RAD51B: variants seen among roughly 807,000 people sequenced by gnomAD.
The protein encoded by RAD51B is RAD51 paralog B.
RAD51B carries 38 observed loss-of-function variants against 42.2 expected under a neutral mutation model. That is an observed-to-expected ratio of 0.90 (90% CI 0.70 to 1.18). RAD51B has a LOEUF of 1.18. RAD51B is among the 50% of genes most tolerant of loss of function. The pLI is 0.00. For synonymous variants in RAD51B, 154 were observed against 145.2 expected, an observed-to-expected ratio of 1.06 and a Z score of -0.43; for missense variants, 373 against 400.7, an observed-to-expected ratio of 0.93 and a Z score of 0.59.
At chr14:68,337,623 C>G (rs1335786021) in intron 8 of RAD51B, among the ~76,000 whole-genome samples, 5 of 152,168 alleles carry the variant, frequency 3.3e-5, no homozygotes, top group Non-Finnish European at 7.4e-5. Context: ...AAAATTTTCC[C>G]TTGCCTAGGC....
intron 8 of RAD51B, among the ~76,000 whole-genome samples, chr14:68,355,052 G>A (rs754658188): frequency 1.3e-5 from 2 of 152,272 alleles, no homozygotes; most frequent in South Asian, 2.1e-4. Context: ...AGAGGGGACC[G>A]TGATGCACAG....
chr14:68,223,253 CA>C (rs1377098303), intron 7 of RAD51B, among the ~76,000 whole-genome samples: 1 of 152,188 alleles, frequency 6.6e-6, no homozygotes, highest in Non-Finnish European at 1.5e-5. Flanking sequence ...GGATCTCCTC[CA>C]AGACGGTTTC....
chr14:68,053,691 A>G (rs2076429967), intron 7 of RAD51B, among the ~76,000 whole-genome samples: 1 of 152,194 alleles, frequency 6.6e-6, no homozygotes, highest in South Asian at 2.1e-4. Flanking sequence ...GGTCAAGAAG[A>G]ACCTTTTAGG....
chr14:68,160,239 C>G (rs1377946943), intron 7 of RAD51B, among the ~76,000 whole-genome samples: 1 of 152,154 alleles, frequency 6.6e-6, no homozygotes, highest in Non-Finnish European at 1.5e-5. Context: ...TAAGAAAGAT[C>G]TTAATAATCA....
At chr14:68,346,618 A>G (rs114997973) in intron 8 of RAD51B, among the ~76,000 whole-genome samples, 2,397 of 152,304 alleles carry the variant, frequency 0.016, 64 homozygotes, top group African/African-American at 0.054. Context: ...TAGCATGTCC[A>G]AAGTGTTCTT....
intron 5 of RAD51B, 124 bp from the exon 6 acceptor site, chr14:67,885,745 T>A: frequency 7.9e-7 from 1 of 1,268,152 alleles, no homozygotes; most frequent in Non-Finnish European, 1.0e-6. Flanking sequence ...ATTAAGCCAT[T>A]TTGCTTATAC....
chr14:68,251,602 C>A (rs997585618), intron 7 of RAD51B, among the ~76,000 whole-genome samples: 1 of 152,198 alleles, frequency 6.6e-6, no homozygotes, highest in Non-Finnish European at 1.5e-5. Context: ...GCAGGTGTCA[C>A]ATCTGTTCCT....
intron 9 of RAD51B, among the ~76,000 whole-genome samples, chr14:68,464,024 T>C (rs55794864): frequency 0.062 from 9,495 of 152,338 alleles, 411 homozygotes; most frequent in Non-Finnish European, 0.091. Flanking sequence ...AATCTCATTC[T>C]GGCTGTTCCA....
At chr14:67,826,402 CT>C (rs1414022463) in intron 3 of RAD51B, among the ~76,000 whole-genome samples, 2 of 152,152 alleles carry the variant, frequency 1.3e-5, no homozygotes, top group Non-Finnish European at 2.9e-5. Context: ...TTTTTTCAGA[CT>C]TTTTGTGTCA....
intron 3 of RAD51B, among the ~76,000 whole-genome samples, chr14:67,829,200 A>G (rs1047185649): frequency 1.4e-4 from 21 of 150,464 alleles, no homozygotes; most frequent in African/African-American, 4.6e-4. Context: ...GGTCCTTCAC[A>G]TCCCTTGTTA....
intron 7 of RAD51B, among the ~76,000 whole-genome samples, chr14:68,075,199 G>A (rs1318241785): frequency 6.6e-6 from 1 of 152,142 alleles, no homozygotes; most frequent in Non-Finnish European, 1.5e-5. Context: ...GGCTTGCCTG[G>A]TGACAAACAG....
chr14:68,067,734 G>A (rs549789933), intron 7 of RAD51B, among the ~76,000 whole-genome samples: 53 of 151,390 alleles, frequency 3.5e-4, no homozygotes, highest in African/African-American at 1.0e-3. Context: ...GTTTGAGACC[G>A]TCATGGGCAA....
At chr14:68,086,185 G>A (rs2076981141) in intron 7 of RAD51B, among the ~76,000 whole-genome samples, 1 of 152,208 alleles carries the variant, frequency 6.6e-6, no homozygotes, top group South Asian at 2.1e-4. Flanking sequence ...GGAGTGGGAA[G>A]TTTTTCCCCT....
At chr14:68,191,430 G>A (rs2140906145) in intron 7 of RAD51B, among the ~76,000 whole-genome samples, 1 of 152,296 alleles carries the variant, frequency 6.6e-6, no homozygotes, top group Non-Finnish European at 1.5e-5. Context: ...TAAGAACTAA[G>A]TGATATGGTT....
chr14:67,919,631 T>G (rs918725686), intron 7 of RAD51B, among the ~76,000 whole-genome samples: 1 of 152,224 alleles, frequency 6.6e-6, no homozygotes, highest in Non-Finnish European at 1.5e-5. Context: ...ACCAGACTCA[T>G]GAACCACTGC....
chr14:68,331,050 A>G (rs1439502499), intron 8 of RAD51B, among the ~76,000 whole-genome samples: 3 of 152,136 alleles, frequency 2.0e-5, no homozygotes, highest in Non-Finnish European at 4.4e-5. Flanking sequence ...CTAGGTTTAT[A>G]CATGGAAAAG....
intron 7 of RAD51B, among the ~76,000 whole-genome samples, chr14:67,939,770 G>A (rs1264423987): frequency 6.6e-6 from 1 of 151,756 alleles, no homozygotes; most frequent in Non-Finnish European, 1.5e-5. Context: ...CCAGCTTCAA[G>A]ACTTAATCGA....
intron 9 of RAD51B, among the ~76,000 whole-genome samples, chr14:68,419,736 C>A (rs2084651996): frequency 1.3e-5 from 2 of 152,178 alleles, no homozygotes; most frequent in Non-Finnish European, 2.9e-5. Context: ...TTTGTCTGAT[C>A]TTGCGAGCAT....
intron 8 of RAD51B, among the ~76,000 whole-genome samples, chr14:68,331,382 A>AAAAAAAAAAAAAAAAAAC (rs1380853785): frequency 6.7e-6 from 1 of 148,718 alleles, no homozygotes; most frequent in Non-Finnish European, 1.5e-5. Context: ...AAAAAAAAAA[A>AAAAAAAAAAAAAAAAAAC]AAAGCAATGG....
Sources: allele counts gnomAD v4.1 joint callset (sites outside exome capture counted in the v4.1 genomes callset), GRCh38; gene constraint gnomAD v4.1.1; transcripts MANE v1.5; gene names NCBI Gene and HGNC (gene_info 2026-07-23, HGNC 2026-07-21).